The following CNTN3 variants were observed in gnomAD, a reference collection of about 807,000 sequenced individuals.
CNTN3 encodes contactin-3.
Under a neutral mutation model 119.1 loss-of-function variants are expected in CNTN3, and 60 were observed. That is an observed-to-expected ratio of 0.50 (90% CI 0.41 to 0.62). The LOEUF is 0.62. Among genes scored for constraint, CNTN3 ranks in the 20% least tolerant of loss-of-function variants. The pLI, the probability that CNTN3 is intolerant of heterozygous loss-of-function variation, is 0.00. For synonymous variants in CNTN3, 450 were observed against 438.7 expected, an observed-to-expected ratio of 1.03 and a Z score of -0.32; for missense variants, 1,101 against 1,242.4, an observed-to-expected ratio of 0.89 and a Z score of 1.71.
chr3:74,370,624 G>A (rs1704311703), intron 6 of CNTN3, among the ~76,000 whole-genome samples: 1 of 152,072 alleles, frequency 6.6e-6, no homozygotes, highest in Non-Finnish European at 1.5e-5. Flanking sequence ...TCAATGCTTT[G>A]TGGTCATAGC....
At chr3:74,327,277 T>C (rs915586859) in intron 13 of CNTN3, among the ~76,000 whole-genome samples, 4 of 151,844 alleles carry the variant, frequency 2.6e-5, no homozygotes, top group Admixed American at 6.6e-5. Context: ...TACAGGCATG[T>C]GCCACCACGC....
intron 13 of CNTN3, among the ~76,000 whole-genome samples, chr3:74,319,225 A>G (rs1702917594): frequency 6.6e-6 from 1 of 152,214 alleles, no homozygotes; most frequent in Admixed American, 6.5e-5. Flanking sequence ...CTAACCCAAA[A>G]GAACAAAGCC....
intron 1 of CNTN3, among the ~76,000 whole-genome samples, chr3:74,552,631 G>A (rs985976913): frequency 2.6e-5 from 4 of 152,102 alleles, no homozygotes; most frequent in African/African-American, 9.7e-5. Flanking sequence ...ATTTGGCTCT[G>A]TGTCCCTACC....
At chr3:74,361,770 TA>T in intron 11 of CNTN3, 119 bp downstream of exon 11, 1 of 1,048,998 alleles carries the variant, frequency 9.5e-7, no homozygotes, top group Middle Eastern at 2.5e-4. Flanking sequence ...TTTTAGTTCT[TA>T]AAGATCTCAC....
chr3:74,585,994 T>C (rs1054543489), intron 1 of CNTN3, among the ~76,000 whole-genome samples: 1 of 152,182 alleles, frequency 6.6e-6, no homozygotes, highest in African/African-American at 2.4e-5. Context: ...TCAAGTAGAA[T>C]ACCAACCCAC....
In CNTN3 at chr3:74,301,684, C is replaced by A; in HGVS notation, c.1908G>T (p.Arg636=). Residue 636 remains arginine (R), a synonymous_variant, in exon 15 of 23, where the codon CGG becomes CGT. Coordinates refer to ENST00000263665, the MANE Select transcript of CNTN3 (RefSeq NM_020872.3). ...SPVISYSIQA[R]TPFSVGWQTV... The stretch of plus-strand genomic sequence containing the variant: ...TTTGCCAACCCACGGAGAAAGGTGT[C>A]CGAGCCTGGATAGAATAGGATATAA... 1.2e-6 allele frequency: 2 copies of A among 1,614,048 alleles called. No homozygotes were observed. Among genetic ancestry groups the A allele is most frequent in the Non-Finnish European group, 1.7e-6 (2 of 1,179,960 alleles).
In CNTN3 at chr3:74,512,891, T is replaced by C. The variant is rs79452395; in HGVS notation, c.55+8167A>G. Among the ~76,000 whole-genome samples, 909 of 104,040 alleles carry C rather than the reference T, an allele frequency of 8.7e-3. 6 individuals carry two copies. The highest frequency in any genetic ancestry group is 0.014 in the South Asian group (34 of 2,468). 68.3% of individuals were successfully genotyped at this position (104,040 alleles called of 152,430 possible). A position where few individuals can be genotyped will look rare whatever the true frequency, so the allele number is the denominator to read the frequency against. On this transcript the variant is annotated intron_variant, in intron 2 of 22. Coordinates refer to ENST00000263665, the MANE Select transcript of CNTN3 (RefSeq NM_020872.3). ...TACCACTTCTCTCGTTTTGTACATA[T>C]GTCTGAGCTTAAATATCGCTTGCAA...
chr3:74,503,736 C>T (rs562916069), intron 2 of CNTN3, among the ~76,000 whole-genome samples: 12 of 152,248 alleles, frequency 7.9e-5, no homozygotes, highest in Non-Finnish European at 1.2e-4. Flanking sequence ...ATGGATTCAA[C>T]GTAACATTCG....
chr3:74,597,410 A>G (rs774818225), intron 1 of CNTN3, among the ~76,000 whole-genome samples: 15 of 152,080 alleles, frequency 9.9e-5, no homozygotes, highest in Non-Finnish European at 1.8e-4. Context: ...AGTAACCCAG[A>G]CGTGGTTCCT....
intron 16 of CNTN3, 139 bp from the exon 17 acceptor site, chr3:74,300,077 ATATACT>A (rs1271103022): frequency 4.1e-5 from 17 of 418,636 alleles, no homozygotes; most frequent in Admixed American, 2.2e-4. Context: ...GTTTATGTAC[ATATACT>A]TATATATTAT....
At chr3:74,418,879 C>G (rs1362364592) in intron 5 of CNTN3, among the ~76,000 whole-genome samples, 3 of 151,780 alleles carry the variant, frequency 2.0e-5, no homozygotes, top group African/African-American at 7.3e-5. Context: ...ACCTCTGCCT[C>G]CAGGGTTGAA....
Position 74,288,154 on chromosome 3 carries a change from C to CTTTTTT in CNTN3, c.2518-2664_2518-2663insAAAAAA, listed in dbSNP as rs1299127961. On this transcript the variant is annotated intron_variant, in intron 19 of 22. Coordinates refer to ENST00000263665, the MANE Select transcript of CNTN3 (RefSeq NM_020872.3). ...TTTGACATCTTTTTTCTTTTCTTTT[C>CTTTTTT]TTTTCTTTTTTTTTTTTTTTTTGAG... Among the ~76,000 whole-genome samples the CTTTTTT allele has an allele frequency of 7.6e-4, 67 of 88,264 alleles. 1 individual carries two copies. Among genetic ancestry groups the CTTTTTT allele is most frequent in the South Asian group, 3.3e-3 (6 of 1,832 alleles). The allele number at this position is 88,264 out of a possible 152,430, so 57.9% of individuals were successfully genotyped here.
At chr3:74,357,128 G>A (rs898448354) in intron 11 of CNTN3, among the ~76,000 whole-genome samples, 4 of 151,886 alleles carry the variant, frequency 2.6e-5, no homozygotes, top group East Asian at 1.9e-4. Flanking sequence ...GGGTTTCACC[G>A]TGTTAGCCAG....
At chr3:74,393,400 C>G (rs1463233260) in intron 5 of CNTN3, among the ~76,000 whole-genome samples, 1 of 152,218 alleles carries the variant, frequency 6.6e-6, no homozygotes, top group African/African-American at 2.4e-5. Flanking sequence ...TTTTGAAAAT[C>G]TGTTCACACA....
At chr3:74,592,951 T>C (rs559413742) in intron 1 of CNTN3, among the ~76,000 whole-genome samples, 25 of 152,122 alleles carry the variant, frequency 1.6e-4, no homozygotes, top group Non-Finnish European at 3.5e-4. Flanking sequence ...ATTCAGTACC[T>C]AGTATATTCC....
chr3:74,469,088 C>T (rs547851209), intron 4 of CNTN3, among the ~76,000 whole-genome samples: 6 of 152,176 alleles, frequency 3.9e-5, no homozygotes, highest in African/African-American at 1.4e-4. Flanking sequence ...TGTTTCATAG[C>T]ATAAATTCTA....
chr3:74,439,211 A>G (rs1385216289), intron 4 of CNTN3, among the ~76,000 whole-genome samples: 1 of 152,244 alleles, frequency 6.6e-6, no homozygotes, highest in Non-Finnish European at 1.5e-5. Context: ...TGATGACTTC[A>G]ATATGTACAA....
intron 18 of CNTN3, among the ~76,000 whole-genome samples, chr3:74,296,715 T>C (rs62269912): frequency 0.061 from 9,293 of 152,272 alleles, 441 homozygotes; most frequent in Non-Finnish European, 0.087. Context: ...CCACTTACTA[T>C]TAGGAATTTT....
intron 5 of CNTN3, among the ~76,000 whole-genome samples, chr3:74,419,003 C>T (rs1432489905): frequency 6.6e-6 from 1 of 150,684 alleles, no homozygotes; most frequent in African/African-American, 2.4e-5. Context: ...CGCCATGTTG[C>T]CCAGGCTGGT....
Sources: allele counts gnomAD v4.1 joint callset (sites outside exome capture counted in the v4.1 genomes callset), GRCh38; gene constraint gnomAD v4.1.1; transcripts MANE v1.5; gene names NCBI Gene and HGNC (gene_info 2026-07-23, HGNC 2026-07-21).